Variants in SPTLC3 observed in about 807,000 individuals in gnomAD.
The protein encoded by SPTLC3 is serine palmitoyltransferase 3.
A neutral mutation model predicts 59.3 loss-of-function variants in SPTLC3; 36 were observed. The observed-to-expected ratio is 0.61, with a 90% confidence interval of 0.47 to 0.80. The LOEUF (loss-of-function observed/expected upper bound fraction) is 0.80. Among genes scored for constraint, SPTLC3 ranks in the 30% least tolerant of loss-of-function variants. SPTLC3 has a pLI of 0.00. For synonymous variants in SPTLC3, 257 were observed against 240.8 expected, an observed-to-expected ratio of 1.07 and a Z score of -0.62; for missense variants, 625 against 685.1, an observed-to-expected ratio of 0.91 and a Z score of 0.98.
rs766883342 is a variant in SPTLC3 at position 13,126,596 on chromosome 20, C to T, written c.1158C>T (p.Leu386=). The change falls in exon 9 of 12, where the codon CTC becomes CTT. Residue 386 remains leucine (L), a synonymous_variant. Transcript: ENST00000399002. ...GTTTCCCCTCTTTATTTAAGGACCTCGTGGATTATTTACGGGTTCACTCGC... is the reference window on the plus strand; with the variant it reads ...GTTTCCCCTCTTTATTTAAGGACCTTGTGGATTATTTACGGGTTCACTCGC... ...SGGYIAGRKD[L]VDYLRVHSHS... The T allele has an allele frequency of 9.9e-6, 16 of 1,613,284 alleles. No individual in the cohort carries two copies. Among genetic ancestry groups the T allele is most frequent in the Middle Eastern group, 1.6e-4 (1 of 6,076 alleles).
At chr20:13,055,676 GA>G (rs900217197) in intron 2 of SPTLC3, among the ~76,000 whole-genome samples, 2 of 151,824 alleles carry the variant, frequency 1.3e-5, no homozygotes, top group East Asian at 1.9e-4. Flanking sequence ...ATTTTATCAG[GA>G]AAAAAAATAC....
rs191467203 is a variant in SPTLC3, at chr20:13,072,335, G to A, written c.383G>A (p.Arg128Gln). Residue 128 changes from arginine (R) to glutamine (Q), a missense_variant, in exon 3 of 12, where the codon CGG (arginine) becomes CAG (glutamine). By Grantham distance (43) the Arg-to-Gln change is conservative. Coordinates refer to ENST00000399002, the MANE Select transcript of SPTLC3 (RefSeq NM_018327.4). ...ATGCGAATCAGAGACAACTGGAACCGGCCCATCTGCAGTGCCCCAGGGCCT... is the reference window on the plus strand; with the variant it reads ...ATGCGAATCAGAGACAACTGGAACCAGCCCATCTGCAGTGCCCCAGGGCCT... Reference protein sequence around the residue: ...LYMRIRDNWNRPICSAPGPLF... With the variant: ...LYMRIRDNWNQPICSAPGPLF... The A allele has an allele frequency of 3.8e-5, 62 of 1,613,732 alleles. No individual in the cohort carries two copies. Among genetic ancestry groups the A allele is most frequent in the African/African-American group, 1.5e-4 (11 of 75,020 alleles).
chr20:13,109,103 A>G (rs1242806915), intron 6 of SPTLC3, among the ~76,000 whole-genome samples: 1 of 152,240 alleles, frequency 6.6e-6, no homozygotes, highest in Admixed American at 6.5e-5. Flanking sequence ...ACATGTACAT[A>G]TATACCAAAC....
chr20:13,064,991 T>C (rs1031782977), intron 2 of SPTLC3, among the ~76,000 whole-genome samples: 2 of 152,160 alleles, frequency 1.3e-5, no homozygotes, highest in African/African-American at 2.4e-5. Flanking sequence ...TGATAACATA[T>C]AGCAAAGCAA....
intron 9 of SPTLC3, among the ~76,000 whole-genome samples, chr20:13,138,061 A>G (rs1286300415): frequency 6.6e-6 from 1 of 152,074 alleles, no homozygotes; most frequent in Non-Finnish European, 1.5e-5. Flanking sequence ...CATCCTTTCT[A>G]AAATATTGTC....
chr20:13,069,639 G>T (rs1469530799), intron 2 of SPTLC3, among the ~76,000 whole-genome samples: 2 of 152,162 alleles, frequency 1.3e-5, no homozygotes, highest in Non-Finnish European at 1.5e-5. Context: ...CCTGCTGTGT[G>T]GCCTGGTTCC....
intron 10 of SPTLC3, among the ~76,000 whole-genome samples, chr20:13,158,993 T>C (rs1337256567): frequency 6.6e-6 from 1 of 152,208 alleles, no homozygotes; most frequent in Non-Finnish European, 1.5e-5. Flanking sequence ...TTTACCTCAC[T>C]TATGGGTAAA....
At chr20:13,091,770 A>G (rs930913941) in intron 5 of SPTLC3, among the ~76,000 whole-genome samples, 3 of 152,112 alleles carry the variant, frequency 2.0e-5, no homozygotes, top group Non-Finnish European at 4.4e-5. Flanking sequence ...AAGCAGTCAT[A>G]ATTTTGGGCT....
At chr20:13,017,749 T>C (rs1281185314) in intron 1 of SPTLC3, among the ~76,000 whole-genome samples, 1 of 152,184 alleles carries the variant, frequency 6.6e-6, no homozygotes, top group Non-Finnish European at 1.5e-5. Context: ...AGATGAAAGA[T>C]AGTTACAAAT....
Position 13,074,618 on chromosome 20 carries a change from A to C in SPTLC3, c.607+121A>C, listed in dbSNP as rs1293500558. The stretch of plus-strand genomic sequence containing the variant: ...TAAAAAGGTGTTATAAACTGCAGAA[A>C]GAAAAAAAAGAGATATTTTGGGAAA... On this transcript the variant is annotated intron_variant, in intron 4 of 11. Coordinates refer to ENST00000399002, the MANE Select transcript of SPTLC3 (RefSeq NM_018327.4). 7 of 1,136,270 alleles carry C rather than the reference A, an allele frequency of 6.2e-6. No individual in the cohort carries two copies. The African/African-American group carries it at 1.1e-4, about 18-fold the overall frequency. The allele number at this position is 1,136,270 out of a possible 1,614,324, so 70.4% of individuals were successfully genotyped here.
intron 4 of SPTLC3, among the ~76,000 whole-genome samples, chr20:13,087,388 G>A (rs1989038593): frequency 6.6e-6 from 1 of 152,202 alleles, no homozygotes; most frequent in Non-Finnish European, 1.5e-5. Context: ...GGGCAGGAAA[G>A]GGGAAATATA....
At chr20:13,109,061 G>C (rs1990074539) in intron 6 of SPTLC3, among the ~76,000 whole-genome samples, 1 of 151,988 alleles carries the variant, frequency 6.6e-6, no homozygotes, top group African/African-American at 2.4e-5. Flanking sequence ...TTTCTTGCTA[G>C]GCTTAAATGT....
intron 1 of SPTLC3, among the ~76,000 whole-genome samples, chr20:13,032,554 C>T (rs1456839136): frequency 1.3e-5 from 2 of 152,178 alleles, no homozygotes; most frequent in Non-Finnish European, 2.9e-5. Context: ...GGCCATGTTC[C>T]CTCATTTCCA....
chr20:13,063,945 T>G (rs547462175), intron 2 of SPTLC3, among the ~76,000 whole-genome samples: 1 of 151,760 alleles, frequency 6.6e-6, no homozygotes, highest in Non-Finnish European at 1.5e-5. Context: ...CATGAGCCAC[T>G]GCACCTGATC....
At chr20:13,031,495 CA>C (rs1324460011) in intron 1 of SPTLC3, among the ~76,000 whole-genome samples, 2 of 152,158 alleles carry the variant, frequency 1.3e-5, no homozygotes, top group African/African-American at 4.8e-5. Context: ...AATGAATGAA[CA>C]GATGTATAAA....
chr20:13,073,924 T>A (rs1420466528), intron 3 of SPTLC3: 23 of 572,790 alleles, frequency 4.0e-5, no homozygotes, highest in South Asian at 2.9e-4. Flanking sequence ...TTCTTCATCC[T>A]GGATCATCCA....
At chr20:13,081,099 G>C (rs930734902) in intron 4 of SPTLC3, among the ~76,000 whole-genome samples, 1 of 152,124 alleles carries the variant, frequency 6.6e-6, no homozygotes, top group African/African-American at 2.4e-5. Flanking sequence ...TATTTGGGCC[G>C]AAGTTGAGGA....
At chr20:13,156,144 C>A (rs1229923114) in intron 10 of SPTLC3, among the ~76,000 whole-genome samples, 58 of 152,260 alleles carry the variant, frequency 3.8e-4, no homozygotes, top group Admixed American at 3.7e-3. Context: ...ATATTCCAAA[C>A]TTGGCTCAGG....
At chr20:13,080,986 T>G (rs1027964771) in intron 4 of SPTLC3, among the ~76,000 whole-genome samples, 9 of 152,174 alleles carry the variant, frequency 5.9e-5, no homozygotes, top group Admixed American at 5.2e-4. Context: ...TTTAGCACCA[T>G]GGTCAAGAAC....
Sources: allele counts gnomAD v4.1 joint callset (sites outside exome capture counted in the v4.1 genomes callset), GRCh38; gene constraint gnomAD v4.1.1; transcripts MANE v1.5; gene names NCBI Gene and HGNC (gene_info 2026-07-23, HGNC 2026-07-21).